The following LRP2 variants were observed in gnomAD, a reference collection of about 807,000 sequenced individuals.
LRP2 encodes LDL receptor related protein 2.
LRP2 carries 172 observed loss-of-function variants against 531.0 expected under a neutral mutation model. That is an observed-to-expected ratio of 0.32 (90% confidence interval 0.29 to 0.37). The LOEUF is 0.37. LRP2 is among the 10% of genes least tolerant of loss of function. The pLI is 1.00. For synonymous variants in LRP2, 1,992 were observed against 2,027.6 expected (o/e 0.98, Z 0.47); for missense variants, 5,167 against 5,868.3 (o/e 0.88, Z 3.90).
chr2:169,302,003 TA>T (rs971315429), intron 4 of LRP2, among the ~76,000 whole-genome samples: 2 of 152,104 alleles, frequency 1.3e-5, no homozygotes, highest in African/African-American at 2.4e-5. Flanking sequence ...TCCAGGTACC[TA>T]ATATATTCAT....
rs1387989268 is a variant in LRP2, at chr2:169,191,833, T to C, written c.9031A>G (p.Arg3011Gly). Residue 3011 changes from arginine to glycine, a missense_variant and splice_region_variant, in exon 48 of 79, where the codon AGG becomes GGG. Physicochemically the swap from Arg to Gly is moderately radical, Grantham distance 125 (BLOSUM62 -2). Coordinates refer to ENST00000649046, the MANE Select transcript of LRP2 (RefSeq NM_004525.3). ...GYGLCIPKIF[R>G]CDRHNDCGDY... Reference sequence around the variant, plus strand: ...GTAACTTCTGAATCCTCAATTCACCTGAATATCTTTGGGATACACAGTCCG... The same window carrying C: ...GTAACTTCTGAATCCTCAATTCACCCGAATATCTTTGGGATACACAGTCCG... The C allele has an allele frequency of 1.2e-6, 2 of 1,613,820 alleles. No homozygotes were observed. Among genetic ancestry groups the C allele is most frequent in the Non-Finnish European group, 8.5e-7 (1 of 1,179,828 alleles).
intron 16 of LRP2, among the ~76,000 whole-genome samples, chr2:169,265,883 T>A (rs2105426309): frequency 6.6e-6 from 1 of 151,218 alleles, no homozygotes; most frequent in African/African-American, 2.4e-5. Context: ...GAAAAACAAG[T>A]CCCAATTGGA....
chr2:169,291,000 G>C lies in LRP2; in HGVS notation c.770-3C>G. 6.2e-7 allele frequency: 1 copy of C among 1,613,750 alleles called. No individual in the cohort carries two copies. ...ATGAACATCATGAGGACCGCTTTCTGTGGGGGGAAAAAGAGAGAGTTACAG... is the reference window on the plus strand; with the variant it reads ...ATGAACATCATGAGGACCGCTTTCTCTGGGGGGAAAAAGAGAGAGTTACAG... On this transcript the variant is annotated splice_region_variant and splice_polypyrimidine_tract_variant and intron_variant, in intron 7 of 78. Transcript: ENST00000649046.
At chr2:169,314,391 C>G (rs1684704486) in intron 3 of LRP2, among the ~76,000 whole-genome samples, 1 of 151,016 alleles carries the variant, frequency 6.6e-6, no homozygotes, top group Non-Finnish European at 1.5e-5. Flanking sequence ...CCACTGCACT[C>G]CAGCCTGGGC....
At chr2:169,289,282 G>T in intron 8 of LRP2, 137 bp from the exon 9 acceptor site, 1 of 1,129,430 alleles carries the variant, frequency 8.9e-7, no homozygotes, top group Admixed American at 1.9e-5. Context: ...ACCCTTCAAA[G>T]CTTACTGCAA....
chr2:169,217,069 T>C (rs1688825097), intron 34 of LRP2, among the ~76,000 whole-genome samples: 1 of 152,150 alleles, frequency 6.6e-6, no homozygotes, highest in Admixed American at 6.6e-5. Context: ...TGAACCATAA[T>C]TACCACACAG....
chr2:169,332,078 T>A (rs1685283610), intron 1 of LRP2, among the ~76,000 whole-genome samples: 2 of 152,362 alleles, frequency 1.3e-5, no homozygotes, highest in South Asian at 4.1e-4. Context: ...ATGTTAAAGC[T>A]ATAAACATCA....
chr2:169,137,556 A>G (rs1290088220), intron 75 of LRP2, 63 bp from the exon 76 acceptor site: 2 of 1,048,158 alleles, frequency 1.9e-6, no homozygotes, highest in African/African-American at 1.6e-5. Context: ...AGATTACACC[A>G]TACTAATCTG....
At position 169,245,275 on chromosome 2, in the gene LRP2, C is replaced by A. The variant is rs989590362; in HGVS notation, c.3191-343G>T. Among the ~76,000 whole-genome samples the A allele has an allele frequency of 3.3e-5, 5 of 152,270 alleles. No individual in the cohort carries two copies. In the South Asian group the frequency reaches 1.0e-3, roughly 32 times the overall value. Reference sequence around the variant, plus strand: ...TTTAGGAACCTGCCTATGATTCACGCTCTGGTTGGATTCACTCTAAAGCTC... The same window carrying A: ...TTTAGGAACCTGCCTATGATTCACGATCTGGTTGGATTCACTCTAAAGCTC... On this transcript the variant is annotated intron_variant, in intron 21 of 78. Coordinates refer to ENST00000649046, the MANE Select transcript of LRP2 (RefSeq NM_004525.3).
At chr2:169,287,081 C>A (rs1683878781) in intron 9 of LRP2, among the ~76,000 whole-genome samples, 1 of 152,188 alleles carries the variant, frequency 6.6e-6, no homozygotes, top group Non-Finnish European at 1.5e-5. Context: ...TTGCGCAGGG[C>A]TGCCTGAAAT....
chr2:169,203,589 G>A (rs1559013818), intron 42 of LRP2, among the ~76,000 whole-genome samples: 2 of 152,058 alleles, frequency 1.3e-5, no homozygotes, highest in African/African-American at 2.4e-5. Context: ...GTGAAGCCCC[G>A]TCTCTACTAA....
At chr2:169,229,645 GCACTC>G (rs1180956466) in intron 31 of LRP2, among the ~76,000 whole-genome samples, 3 of 152,150 alleles carry the variant, frequency 2.0e-5, no homozygotes, top group Non-Finnish European at 4.4e-5. Flanking sequence ...TACAGAGAAA[GCACTC>G]ATTATAACAT....
chr2:169,132,391 C>A (rs907267038), intron 77 of LRP2, among the ~76,000 whole-genome samples, 183 bp downstream of exon 77: 5 of 152,152 alleles, frequency 3.3e-5, no homozygotes, highest in Admixed American at 6.5e-5. Context: ...TAGAATGTAG[C>A]TTTATTTGGT....
intron 1 of LRP2, among the ~76,000 whole-genome samples, chr2:169,327,292 C>T (rs1476333514): frequency 6.2e-5 from 7 of 113,498 alleles, no homozygotes; most frequent in South Asian, 3.1e-4. Context: ...CCCGGCCAGC[C>T]GCCCCGTCTG....
intron 9 of LRP2, among the ~76,000 whole-genome samples, chr2:169,284,664 G>C (rs937920495): frequency 2.0e-5 from 3 of 151,936 alleles, no homozygotes; most frequent in Admixed American, 1.3e-4. Context: ...ACTAACCAGA[G>C]GAAAAAAAAC....
intron 19 of LRP2, among the ~76,000 whole-genome samples, chr2:169,251,044 G>C (rs1367368056): frequency 4.5e-5 from 1 of 22,248 alleles, no homozygotes; most frequent in Non-Finnish European, 7.0e-5. Flanking sequence ...AATAATGGGA[G>C]ACTTTAACAC....
chr2:169,268,711 C>G (rs1683307313), intron 16 of LRP2, among the ~76,000 whole-genome samples: 1 of 152,194 alleles, frequency 6.6e-6, no homozygotes, highest in South Asian at 2.1e-4. Flanking sequence ...GATGCCCTCT[C>G]TCGCCACTCC....
chr2:169,277,116 C>T (rs1397789258), intron 13 of LRP2, among the ~76,000 whole-genome samples: 1 of 147,222 alleles, frequency 6.8e-6, no homozygotes, highest in Non-Finnish European at 1.5e-5. Context: ...ATCACTTGAA[C>T]TTGGGAGGTG....
At chr2:169,316,747 G>C (rs988143604) in intron 3 of LRP2, among the ~76,000 whole-genome samples, 1 of 152,142 alleles carries the variant, frequency 6.6e-6, no homozygotes, top group Non-Finnish European at 1.5e-5. Flanking sequence ...CATGAGAATG[G>C]TGAGACTATC....
Sources: gnomAD v4.1 joint callset for allele counts (sites outside exome capture counted in the v4.1 genomes callset) on GRCh38, gnomAD v4.1.1 for gene constraint, MANE v1.5 for transcripts, NCBI Gene and HGNC (gene_info 2026-07-23, HGNC 2026-07-21) for gene names.